PARN: variants seen among roughly 807,000 people sequenced by gnomAD.
PARN encodes the protein poly(A)-specific ribonuclease PARN.
A neutral mutation model predicts 102.8 loss-of-function variants in PARN; 71 were observed. The observed-to-expected ratio is 0.69, with a 90% CI of 0.57 to 0.84. The LOEUF (loss-of-function observed/expected upper bound fraction) is 0.84, where lower values mean the gene tolerates loss of function less well. PARN is among the 40% of genes least tolerant of loss of function. PARN has a pLI of 0.00. For missense variants in PARN, 782 were observed against 760.9 expected (o/e 1.03, Z -0.33); for synonymous variants, 261 against 252.9 (o/e 1.03, Z -0.30).
intron 17 of PARN, among the ~76,000 whole-genome samples, chr16:14,581,497 G>T (rs1969531550): frequency 6.6e-6 from 1 of 152,158 alleles, no homozygotes; most frequent in Non-Finnish European, 1.5e-5. Flanking sequence ...CCAAGGAAAT[G>T]GTAGTGCTAT....
At chr16:14,483,137 C>T (rs1963474520) in intron 21 of PARN, among the ~76,000 whole-genome samples, 2 of 152,176 alleles carry the variant, frequency 1.3e-5, no homozygotes, top group South Asian at 4.1e-4. Flanking sequence ...TTGCAGCCAA[C>T]ATTACTATTT....
chr16:14,600,033 A>G (rs558114849), intron 11 of PARN, 73 bp from the exon 12 acceptor site: 1 of 782,368 alleles, frequency 1.3e-6, no homozygotes, highest in Non-Finnish European at 1.9e-6. Flanking sequence ...AAACTACCCC[A>G]AAAAAAAGAC....
At chr16:14,602,091 C>T (rs1161581002) in intron 11 of PARN, 3 of 151,174 alleles carry the variant, frequency 2.0e-5, no homozygotes, top group Admixed American at 6.6e-5. Flanking sequence ...CCACTGCGCC[C>T]GGCTAATTTT....
At chr16:14,457,976 G>A (rs1206015823) in intron 22 of PARN, among the ~76,000 whole-genome samples, 2 of 151,540 alleles carry the variant, frequency 1.3e-5, no homozygotes, top group East Asian at 1.9e-4. Flanking sequence ...AAACATGAAT[G>A]CATTGTGTAT....
At chr16:14,618,656 C>CAAA (rs1181174251) in intron 5 of PARN, among the ~76,000 whole-genome samples, 2 of 88,410 alleles carry the variant, frequency 2.3e-5, no homozygotes, top group Non-Finnish European at 4.8e-5. Context: ...AAGACTGTCT[C>CAAA]AAAAAAAAAA....
chr16:14,553,194 G>A (rs1404923404), intron 20 of PARN, among the ~76,000 whole-genome samples: 2 of 148,342 alleles, frequency 1.3e-5, no homozygotes, highest in Non-Finnish European at 1.5e-5. Flanking sequence ...GAGGCGGGAG[G>A]ATCACTTGAG....
chr16:14,450,485 A>C (rs1406156800), intron 22 of PARN, among the ~76,000 whole-genome samples: 1 of 152,142 alleles, frequency 6.6e-6, no homozygotes, highest in African/African-American at 2.4e-5. Flanking sequence ...TGATTTCTAA[A>C]ATAAGTATGA....
intron 18 of PARN, among the ~76,000 whole-genome samples, chr16:14,568,311 C>T (rs1254587770): frequency 6.6e-6 from 1 of 150,442 alleles, no homozygotes; most frequent in African/African-American, 2.4e-5. Flanking sequence ...CTCCCGGGTT[C>T]AAGCGATTCT....
chr16:14,450,072 A>G (rs1280064327), intron 22 of PARN, among the ~76,000 whole-genome samples: 1 of 152,376 alleles, frequency 6.6e-6, no homozygotes, highest in East Asian at 1.9e-4. Context: ...GTCTAAGCAT[A>G]AAAAACTGGT....
rs1214804887 is a variant in PARN at position 14,435,937 on chromosome 16, C to CACACACACACAG, written c.*779_*780insCTGTGTGTGTGT. On this transcript the variant is annotated 3_prime_UTR_variant, in exon 24 of 24. Transcript: ENST00000437198. ...ACACACACACACACACACACACACA[C>CACACACACACAG]ACACACAGACACGTACGCACACACG... 7.0e-6 allele frequency: 1 copy of CACACACACACAG among 142,700 alleles called. No homozygotes were observed. The highest frequency in any genetic ancestry group is 1.9e-4 in the East Asian group (1 of 5,168). The allele number at this position is 142,700 out of a possible 1,614,324, so 8.8% of individuals were successfully genotyped here.
At chr16:14,617,481 CTG>C (rs1166219383) in intron 6 of PARN, 107 bp downstream of exon 6, 5 of 676,452 alleles carry the variant, frequency 7.4e-6, no homozygotes, top group Non-Finnish European at 1.4e-5. Flanking sequence ...AACTCTAAGA[CTG>C]TGTCTCAGCA....
intron 14 of PARN, 25 bp from the exon 15 acceptor site, chr16:14,584,816 A>G: frequency 7.4e-7 from 1 of 1,344,338 alleles, no homozygotes; most frequent in South Asian, 1.3e-5. Flanking sequence ...TAACAAGGTA[A>G]ACAAAATGTA....
At chr16:14,530,142 GA>G (rs1567351907) in intron 21 of PARN, among the ~76,000 whole-genome samples, 1 of 152,294 alleles carries the variant, frequency 6.6e-6, no homozygotes, top group East Asian at 1.9e-4. Flanking sequence ...GGTGGACAGA[GA>G]GAGGACTGTG....
chr16:14,465,748 G>T (rs1423429769), intron 22 of PARN, among the ~76,000 whole-genome samples: 1 of 152,218 alleles, frequency 6.6e-6, no homozygotes. Flanking sequence ...GTTGGAGGAA[G>T]GCTGAGGGTG....
intron 9 of PARN, among the ~76,000 whole-genome samples, chr16:14,607,604 A>G (rs183169050): frequency 1.1e-3 from 171 of 152,272 alleles, no homozygotes; most frequent in Non-Finnish European, 1.7e-3. Flanking sequence ...GCATCAGCCA[A>G]GGAGGAGAGG....
At chr16:14,559,134 T>G (rs970515475) in intron 18 of PARN, among the ~76,000 whole-genome samples, 2 of 152,068 alleles carry the variant, frequency 1.3e-5, no homozygotes, top group East Asian at 3.9e-4. Context: ...ACAACAAATT[T>G]AGGAAACTCA....
At chr16:14,470,697 G>T (rs866697963) in intron 22 of PARN, among the ~76,000 whole-genome samples, 2 of 152,100 alleles carry the variant, frequency 1.3e-5, no homozygotes, top group Admixed American at 1.3e-4. Context: ...GAGCCCAAGT[G>T]ATCTGCCCAT....
intron 21 of PARN, among the ~76,000 whole-genome samples, chr16:14,509,805 A>G (rs1326402487): frequency 2.6e-5 from 4 of 152,244 alleles, no homozygotes; most frequent in Non-Finnish European, 5.9e-5. Flanking sequence ...TCTTCAAGGA[A>G]TACATCTTTG....
At chr16:14,442,322 T>A (rs1199145006) in intron 23 of PARN, among the ~76,000 whole-genome samples, 1 of 152,182 alleles carries the variant, frequency 6.6e-6, no homozygotes, top group Non-Finnish European at 1.5e-5. Context: ...ACAGCCACAC[T>A]TCCTGAAGAC....
Sources: allele counts gnomAD v4.1 joint callset (sites outside exome capture counted in the v4.1 genomes callset), GRCh38; gene constraint gnomAD v4.1.1; transcripts MANE v1.5; gene names NCBI Gene and HGNC (gene_info 2026-07-23, HGNC 2026-07-21).